DPP4: variants seen among roughly 807,000 people sequenced by gnomAD.
The protein encoded by DPP4 is dipeptidyl peptidase 4.
In DPP4, 93 loss-of-function variants were observed where a neutral mutation model predicts 122.4. The ratio of observed to expected loss-of-function variants is 0.76; its 90% confidence interval spans 0.64 to 0.90. The LOEUF is 0.90. Ranked by LOEUF, DPP4 falls within the 40% of genes least tolerant of loss-of-function variation. The probability of loss-of-function intolerance (pLI) is 0.00; values close to 1 mark genes in which losing one functional copy is unlikely to be tolerated. For synonymous variants in DPP4, 321 were observed against 302.9 expected, an observed-to-expected ratio of 1.06 and a Z score of -0.62; for missense variants, 914 against 907.3, an observed-to-expected ratio of 1.01 and a Z score of -0.09.
intron 4 of DPP4, among the ~76,000 whole-genome samples, chr2:162,046,363 G>A (rs1684173792): frequency 6.6e-6 from 1 of 152,160 alleles, no homozygotes; most frequent in South Asian, 2.1e-4. Flanking sequence ...TGATGATTCT[G>A]AGGTTTCTAG....
At position 162,074,202 on chromosome 2, in the gene DPP4, T is replaced by C; in HGVS notation, c.-221A>G. On this transcript the variant is annotated 5_prime_UTR_variant, in exon 1 of 26. Transcript: ENST00000360534. ...CAGGCGGCGCGGGAGCAGGCGCGCG[T>C]GGCGCGGGGCACTGGCATCCCGGCC... The C allele has an allele frequency of 2.4e-6, 3 of 1,230,602 alleles. No individual in the cohort carries two copies. The highest frequency in any genetic ancestry group is 3.0e-6 in the Non-Finnish European group (3 of 987,690). The allele number at this position is 1,230,602 out of a possible 1,614,324, so 76.2% of individuals were successfully genotyped here.
At chr2:161,996,832 A>G (rs1004181109) in intron 23 of DPP4, among the ~76,000 whole-genome samples, 2 of 152,222 alleles carry the variant, frequency 1.3e-5, no homozygotes, top group Admixed American at 6.5e-5. Flanking sequence ...ACCATAATGT[A>G]TAAAAGGCCT....
At chr2:162,028,464 C>T (rs1463901620) in intron 10 of DPP4, among the ~76,000 whole-genome samples, 1 of 152,226 alleles carries the variant, frequency 6.6e-6, no homozygotes, top group Non-Finnish European at 1.5e-5. Flanking sequence ...ATCATCTATG[C>T]TTTGCATACT....
At chr2:162,025,428 GA>G (rs1404365755) in intron 10 of DPP4, among the ~76,000 whole-genome samples, 1 of 151,900 alleles carries the variant, frequency 6.6e-6, no homozygotes, top group Non-Finnish European at 1.5e-5. Flanking sequence ...TTTCAAAGGG[GA>G]AAAAATTGAC....
At chr2:162,071,498 C>T (rs548148307) in intron 2 of DPP4, among the ~76,000 whole-genome samples, 14 of 152,122 alleles carry the variant, frequency 9.2e-5, no homozygotes, top group Admixed American at 2.6e-4. Context: ...AAAAATTATC[C>T]GGGCGTGGTG....
chr2:162,052,269 G>A (rs1684409553), intron 2 of DPP4, among the ~76,000 whole-genome samples: 2 of 138,612 alleles, frequency 1.4e-5, no homozygotes, highest in Non-Finnish European at 3.0e-5. Flanking sequence ...GGTGAGCTGC[G>A]ATCACACCAT....
Position 162,008,645 on chromosome 2 carries a change from A to G in DPP4, c.1904T>C (p.Val635Ala). 6.2e-7 allele frequency: 1 copy of G among 1,613,710 alleles called. No homozygotes were observed. The highest frequency in any genetic ancestry group is 1.1e-5 in the South Asian group (1 of 91,072). The change falls in exon 22 of 26, where the codon GTA (valine) becomes GCA (alanine). Residue 635 changes from valine to alanine, a missense_variant. Coordinates refer to ENST00000360534, the MANE Select transcript of DPP4 (RefSeq NM_001935.4). The part of the protein sequence containing the change: ...AIWGWSYGGY[V>A]TSMVLGSGSG... ...TCCCGATCCCAGGACCATTGAGGTT[A>G]CGTACCCTCCATATGACTAAGGAAT...
At chr2:162,026,357 C>T (rs1471530270) in intron 10 of DPP4, among the ~76,000 whole-genome samples, 4 of 152,176 alleles carry the variant, frequency 2.6e-5, no homozygotes, top group Non-Finnish European at 5.9e-5. Flanking sequence ...TTCACTCAGC[C>T]GCAGAGCACT....
intron 1 of DPP4, 104 bp from the exon 2 acceptor site, chr2:162,073,590 G>T: frequency 1.7e-6 from 2 of 1,171,228 alleles, no homozygotes; most frequent in Non-Finnish European, 2.5e-6. Context: ...GCAGGTGGGA[G>T]TGCGTTAGAA....
At position 162,035,275 on chromosome 2, in the gene DPP4, A is replaced by G; in HGVS notation, c.663T>C (p.Thr221=). 1 of 1,614,076 alleles carries G rather than the reference A, an allele frequency of 6.2e-7. No homozygotes were observed. The highest frequency in any genetic ancestry group is 8.5e-7 in the Non-Finnish European group (1 of 1,179,956). Residue 221 remains threonine (T), a synonymous_variant, in exon 9 of 26, where the codon ACT becomes ACC. Coordinates refer to ENST00000360534, the MANE Select transcript of DPP4 (RefSeq NM_001935.4). ...CGTTAAATTGGGCATATGCTAAAAAAGTGCCGTTTGGAGACCACCACAGAG... is the reference window on the plus strand; with the variant it reads ...CGTTAAATTGGGCATATGCTAAAAAGGTGCCGTTTGGAGACCACCACAGAG... ...YSALWWSPNG[T]FLAYAQFNDT... is the part of the protein sequence containing the mutation.
chr2:162,008,905 A>T (rs575905784), intron 21 of DPP4, among the ~76,000 whole-genome samples: 1 of 152,130 alleles, frequency 6.6e-6, no homozygotes, highest in Admixed American at 6.6e-5. Flanking sequence ...GACCCTAGTG[A>T]CTGGGTGGTA....
intron 2 of DPP4, among the ~76,000 whole-genome samples, chr2:162,066,509 T>C (rs1684952634): frequency 6.6e-6 from 1 of 152,200 alleles, no homozygotes; most frequent in Admixed American, 6.5e-5. Context: ...TGTCATAGCA[T>C]TTATTACCAT....
At chr2:162,000,392 C>T (rs929309300) in intron 23 of DPP4, among the ~76,000 whole-genome samples, 3 of 152,128 alleles carry the variant, frequency 2.0e-5, no homozygotes, top group Admixed American at 6.5e-5. Context: ...CTCCCATCAA[C>T]CCCAGACAGG....
chr2:162,066,213 T>C (rs1275819091), intron 2 of DPP4, among the ~76,000 whole-genome samples: 2 of 152,118 alleles, frequency 1.3e-5, no homozygotes, highest in African/African-American at 2.4e-5. Flanking sequence ...TTCACATGCC[T>C]GCACATTGTC....
At chr2:162,034,018 A>G (rs111293046) in intron 9 of DPP4, among the ~76,000 whole-genome samples, 50 of 151,912 alleles carry the variant, frequency 3.3e-4, no homozygotes, top group African/African-American at 1.1e-3. Context: ...ATTATTTGCA[A>G]ATATACCCTG....
At chr2:162,028,719 G>C (rs187604763) in intron 10 of DPP4, among the ~76,000 whole-genome samples, 119 of 152,308 alleles carry the variant, frequency 7.8e-4, no homozygotes, top group African/African-American at 2.6e-3. Context: ...AAAATAATAA[G>C]TTCACACCCA....
intron 2 of DPP4, among the ~76,000 whole-genome samples, chr2:162,061,597 C>A (rs1469607817): frequency 1.3e-5 from 2 of 152,124 alleles, no homozygotes; most frequent in African/African-American, 4.8e-5. Flanking sequence ...CTAGCACTTA[C>A]AAATTGTAGG....
At chr2:162,019,099 TA>T in intron 15 of DPP4, 123 bp downstream of exon 15, 1 of 970,318 alleles carries the variant, frequency 1.0e-6, no homozygotes, top group Non-Finnish European at 1.6e-6. Context: ...TATGAAGGAA[TA>T]AAAAGTGCTC....
At chr2:162,023,091 A>T (rs987466323) in intron 11 of DPP4, among the ~76,000 whole-genome samples, 3 of 150,124 alleles carry the variant, frequency 2.0e-5, no homozygotes, top group African/African-American at 7.3e-5. Flanking sequence ...AGCCTGTTCT[A>T]CTCCCTCATT....
Sources: allele counts gnomAD v4.1 joint callset (sites outside exome capture counted in the v4.1 genomes callset), GRCh38; gene constraint gnomAD v4.1.1; transcripts MANE v1.5; gene names NCBI Gene and HGNC (gene_info 2026-07-23, HGNC 2026-07-21).